Variants in COP1 observed in about 807,000 individuals in gnomAD.
COP1 encodes COP1 E3 ubiquitin ligase, also known as E3 ubiquitin-protein ligase COP1.
In COP1, 24 loss-of-function variants were observed where a neutral mutation model predicts 101.3. That is an observed-to-expected ratio of 0.24 (90% CI 0.17 to 0.33). COP1 has a LOEUF of 0.33. COP1 is among the 10% of genes least tolerant of loss of function. The pLI is 1.00. For synonymous variants in COP1, 347 were observed against 341.9 expected (o/e 1.01, Z -0.17); for missense variants, 663 against 906.2 (o/e 0.73, Z 3.45).
intron 15 of COP1, among the ~76,000 whole-genome samples, chr1:175,995,559 C>T (rs376801100): frequency 1.1e-4 from 17 of 151,764 alleles, no homozygotes; most frequent in East Asian, 7.7e-4. Context: ...AAATGATAAA[C>T]GGGATATCAC....
At chr1:176,185,137 C>A (rs1047626601) in intron 1 of COP1, among the ~76,000 whole-genome samples, 7 of 152,016 alleles carry the variant, frequency 4.6e-5, no homozygotes, top group African/African-American at 1.7e-4. Flanking sequence ...ATTCTAGTTT[C>A]GACAATGCTT....
In COP1 at chr1:175,957,929, T is replaced by C. The variant is rs373481116; in HGVS notation, c.2134-10690A>G. Among the ~76,000 whole-genome samples, 21 of 152,250 alleles carry C rather than the reference T, an allele frequency of 1.4e-4. No homozygotes were observed. In the South Asian group the frequency reaches 1.4e-3, roughly 11 times the overall value. The stretch of plus-strand genomic sequence containing the variant: ...AAGGAGCCAGGTGCAAAAAATTACA[T>C]ACTGTATCATTCCTGTTATATGAAA... On this transcript the variant is annotated intron_variant, in intron 18 of 19. Transcript: ENST00000367669.
chr1:176,082,340 C>T (rs1679317373), intron 10 of COP1, among the ~76,000 whole-genome samples: 2 of 152,196 alleles, frequency 1.3e-5, no homozygotes, highest in African/African-American at 4.8e-5. Context: ...TCTTAAATGC[C>T]ATCTGAAGTA....
At chr1:176,170,301 T>C (rs960305147) in intron 3 of COP1, among the ~76,000 whole-genome samples, 3 of 152,230 alleles carry the variant, frequency 2.0e-5, no homozygotes, top group African/African-American at 7.2e-5. Flanking sequence ...TCCAAAAGGT[T>C]TTCCATTTAC....
chr1:176,114,285 T>C (rs1275006414), intron 9 of COP1, among the ~76,000 whole-genome samples: 1 of 151,984 alleles, frequency 6.6e-6, no homozygotes, highest in Non-Finnish European at 1.5e-5. Flanking sequence ...TACAAACCAA[T>C]CTACAAACTT....
At chr1:175,976,213 T>C (rs1168824289) in intron 18 of COP1, among the ~76,000 whole-genome samples, 1 of 148,952 alleles carries the variant, frequency 6.7e-6, no homozygotes, top group African/African-American at 2.4e-5. Context: ...CTGTTCAGAA[T>C]ATAAAACTAT....
At chr1:176,199,141 C>A (rs1002378607) in intron 1 of COP1, among the ~76,000 whole-genome samples, 3 of 152,054 alleles carry the variant, frequency 2.0e-5, no homozygotes, top group African/African-American at 7.2e-5. Flanking sequence ...CACAGTGAAA[C>A]CCCATCTCTA....
chr1:176,176,866 A>C (rs144856527), intron 2 of COP1, among the ~76,000 whole-genome samples: 1 of 152,324 alleles, frequency 6.6e-6, no homozygotes, highest in East Asian at 1.9e-4. Flanking sequence ...GTATATGTGG[A>C]TATGAACAAT....
chr1:176,141,886 A>G (rs761514126), intron 6 of COP1, among the ~76,000 whole-genome samples: 5 of 151,898 alleles, frequency 3.3e-5, no homozygotes, highest in Non-Finnish European at 5.9e-5. Flanking sequence ...ACACGCCCCT[A>G]TGCTCCACGA....
intron 15 of COP1, among the ~76,000 whole-genome samples, chr1:176,016,219 G>A (rs1330862947): frequency 6.6e-6 from 1 of 151,892 alleles, no homozygotes; most frequent in Non-Finnish European, 1.5e-5. Context: ...ATAACTAAAT[G>A]GATAAAATAA....
At chr1:175,961,063 A>T (rs1043815635) in intron 18 of COP1, among the ~76,000 whole-genome samples, 3 of 152,194 alleles carry the variant, frequency 2.0e-5, no homozygotes, top group African/African-American at 7.2e-5. Flanking sequence ...GGCCATCAGA[A>T]GTCCAGATTC....
chr1:176,174,717 C>G (rs1287872416), intron 3 of COP1, among the ~76,000 whole-genome samples: 1 of 152,134 alleles, frequency 6.6e-6, no homozygotes, highest in African/African-American at 2.4e-5. Flanking sequence ...CACCAAAGTA[C>G]TAGCAGGTCA....
chr1:176,125,629 A>G lies in COP1; in HGVS notation c.969-8948T>C, dbSNP rs145608769. Among the ~76,000 whole-genome samples, 50 of 152,194 alleles carry G rather than the reference A, an allele frequency of 3.3e-4. No homozygotes were observed. In the East Asian group the frequency reaches 9.1e-3, roughly 28 times the overall value. Reference sequence around the variant, plus strand: ...CCATGCTGTTTTGGTTACTATAGCTATATAGTATAATGTAAAATCAGGTAA... The same window carrying G: ...CCATGCTGTTTTGGTTACTATAGCTGTATAGTATAATGTAAAATCAGGTAA... On this transcript the variant is annotated intron_variant, in intron 8 of 19. Transcript: ENST00000367669.
intron 11 of COP1, among the ~76,000 whole-genome samples, chr1:176,066,351 A>G (rs1675962952): frequency 6.6e-6 from 1 of 152,138 alleles, no homozygotes; most frequent in Non-Finnish European, 1.5e-5. Flanking sequence ...ATTTGTTGTC[A>G]ACTTATTCCA....
chr1:176,119,570 T>A (rs1686764904), intron 8 of COP1, among the ~76,000 whole-genome samples: 1 of 152,102 alleles, frequency 6.6e-6, no homozygotes, highest in African/African-American at 2.4e-5. Flanking sequence ...AAAGGTATAA[T>A]GCAGGCTACA....
chr1:176,009,732 T>A (rs972275654), intron 15 of COP1, among the ~76,000 whole-genome samples: 8 of 152,178 alleles, frequency 5.3e-5, no homozygotes, highest in African/African-American at 1.9e-4. Context: ...AATTTTGATT[T>A]TATATATTGC....
chr1:176,164,118 A>AT (rs1316355509), intron 3 of COP1, among the ~76,000 whole-genome samples: 2 of 152,226 alleles, frequency 1.3e-5, no homozygotes, highest in Non-Finnish European at 2.9e-5. Flanking sequence ...TCTTCAGAAT[A>AT]TGTATTTTCC....
intron 14 of COP1, among the ~76,000 whole-genome samples, chr1:176,041,964 T>C (rs1341095009): frequency 6.6e-6 from 1 of 151,798 alleles, no homozygotes; most frequent in East Asian, 1.9e-4. Context: ...ATACAAAAAT[T>C]AGCCGGACAT....
chr1:176,145,555 A>C lies in COP1; in HGVS notation c.831+3451T>G, dbSNP rs566388738. Among the ~76,000 whole-genome samples the C allele has an allele frequency of 2.6e-5, 4 of 152,304 alleles. No individual in the cohort carries two copies. In the East Asian group the frequency reaches 7.7e-4, roughly 29 times the overall value. On this transcript the variant is annotated intron_variant, in intron 6 of 19. Transcript: ENST00000367669. ...TAACATAAACCTGGATACACATATA[A>C]CATAGTAGTATTTTTTTGCCAACAG...
Sources: gnomAD v4.1 joint callset for allele counts (sites outside exome capture counted in the v4.1 genomes callset) on GRCh38, gnomAD v4.1.1 for gene constraint, MANE v1.5 for transcripts, NCBI Gene and HGNC (gene_info 2026-07-23, HGNC 2026-07-21) for gene names.